ATRN: variants seen among roughly 807,000 people sequenced by gnomAD.
ATRN encodes attractin-2.
In ATRN, 54 loss-of-function variants were observed where a neutral mutation model predicts 178.7. That is an observed-to-expected ratio of 0.30 (90% CI 0.24 to 0.38). The LOEUF (loss-of-function observed/expected upper bound fraction) is 0.38. Ranked by LOEUF, ATRN falls within the 10% of genes least tolerant of loss-of-function variation. The pLI, the probability that ATRN is intolerant of heterozygous loss-of-function variation, is 1.00. For synonymous variants in ATRN, 636 were observed against 663.0 expected (o/e 0.96, Z 0.63); for missense variants, 1,443 against 1,815.1 (o/e 0.79, Z 3.73).
At chr20:3,581,992 C>T in intron 15 of ATRN, 143 bp from the exon 16 acceptor site, 1 of 711,078 alleles carries the variant, frequency 1.4e-6, no homozygotes, top group Non-Finnish European at 2.3e-6. Flanking sequence ...ATAATCTCAA[C>T]ATTTTGGGAG....
intron 1 of ATRN, among the ~76,000 whole-genome samples, chr20:3,475,233 G>C (rs765531057): frequency 3.9e-5 from 6 of 152,024 alleles, no homozygotes; most frequent in Non-Finnish European, 5.9e-5. Context: ...TGTAAATCCT[G>C]TGTTATAATT....
At chr20:3,574,647 G>C (rs1204745534) in intron 12 of ATRN, among the ~76,000 whole-genome samples, 1 of 152,230 alleles carries the variant, frequency 6.6e-6, no homozygotes, top group Non-Finnish European at 1.5e-5. Flanking sequence ...CAGTGAAATA[G>C]TTAATTTTTA....
chr20:3,473,577 G>T (rs1482992767), intron 1 of ATRN, among the ~76,000 whole-genome samples: 2 of 152,220 alleles, frequency 1.3e-5, no homozygotes, highest in Admixed American at 1.3e-4. Flanking sequence ...GACATTATAG[G>T]CTTTTAGATT....
intron 1 of ATRN, chr20:3,490,715 C>A (rs2084780105): frequency 1.3e-6 from 1 of 798,708 alleles, no homozygotes. Context: ...GCACACAGAT[C>A]TCATTTGGGT....
intron 12 of ATRN, among the ~76,000 whole-genome samples, chr20:3,574,871 G>A (rs1225761494): frequency 3.3e-5 from 5 of 152,080 alleles, no homozygotes; most frequent in East Asian, 1.9e-4. Context: ...TTGTGAGAGC[G>A]GCACCTGCCT....
chr20:3,638,754 T>C lies in ATRN; in HGVS notation c.3943-74T>C. On this transcript the variant is annotated intron_variant, in intron 26 of 28. Transcript: ENST00000262919. The surrounding 1 kb of genome is among the most constrained non-coding windows in gnomAD (Gnocchi z 4.5). ...TTGAATCAGGGAGGATGAGGTGTTTTTAACATGTAGCATTAACTAATAAAA... is the reference window on the plus strand; with the variant it reads ...TTGAATCAGGGAGGATGAGGTGTTTCTAACATGTAGCATTAACTAATAAAA... 1 of 1,307,908 alleles carries C rather than the reference T, an allele frequency of 7.6e-7. No individual in the cohort carries two copies. The highest frequency in any genetic ancestry group is 2.4e-5 in the East Asian group (1 of 42,442). 81.0% of individuals were successfully genotyped at this position (1,307,908 alleles called of 1,614,324 possible). A position where few individuals can be genotyped will look rare whatever the true frequency, so the allele number is the denominator to read the frequency against.
chr20:3,507,426 G>A (rs1304454813), intron 1 of ATRN, among the ~76,000 whole-genome samples: 1 of 151,300 alleles, frequency 6.6e-6, no homozygotes, highest in Admixed American at 6.6e-5. Flanking sequence ...AAAAAAATTG[G>A]AGTCAAAAAA....
chr20:3,578,229 A>G (rs568914390), intron 14 of ATRN, among the ~76,000 whole-genome samples: 5 of 152,288 alleles, frequency 3.3e-5, no homozygotes, highest in South Asian at 2.1e-4. Flanking sequence ...GCCCTCCAAT[A>G]TGCATATTCA....
At chr20:3,543,925 T>G (rs1447106691) in intron 3 of ATRN, among the ~76,000 whole-genome samples, 1 of 151,996 alleles carries the variant, frequency 6.6e-6, no homozygotes, top group Non-Finnish European at 1.5e-5. Context: ...TCCCAGTCAC[T>G]CAGGAGGCTG....
chr20:3,494,704 G>A (rs2084854446), intron 1 of ATRN, among the ~76,000 whole-genome samples: 1 of 152,164 alleles, frequency 6.6e-6, no homozygotes, highest in Admixed American at 6.5e-5. Context: ...TTTTGATATA[G>A]GGAATATAAG....
chr20:3,609,710 A>G (rs982303354), intron 24 of ATRN, among the ~76,000 whole-genome samples: 10 of 117,292 alleles, frequency 8.5e-5, no homozygotes, highest in African/African-American at 2.6e-4. Context: ...TGTGGTATGT[A>G]TGTATGTGTG....
chr20:3,599,732 GTC>G (rs1286600925), intron 22 of ATRN, among the ~76,000 whole-genome samples: 1 of 152,174 alleles, frequency 6.6e-6, no homozygotes, highest in East Asian at 1.9e-4. Context: ...TGCTCAGGGG[GTC>G]CTGGAACCGA....
Position 3,604,121 on chromosome 20 carries a change from A to G in ATRN, c.3660A>G (p.Gly1220=), listed in dbSNP as rs1341387781. The change falls in exon 24 of 29, where the codon GGA becomes GGG. Residue 1220 remains glycine, a synonymous_variant. Transcript: ENST00000262919. ...AASFSAGTQA[G]EEMPVVSKTN... ...TTTTAACAGCTGGAACCCAGGCTGG[A>G]GAAGAGATGCCTGTTGTTTCAAAAA... The G allele has an allele frequency of 6.3e-7, 1 of 1,589,626 alleles. No individual in the cohort carries two copies. The highest frequency in any genetic ancestry group is 1.2e-5 in the South Asian group (1 of 85,810).
intron 24 of ATRN, among the ~76,000 whole-genome samples, chr20:3,622,393 G>T (rs1472519170): frequency 6.6e-6 from 1 of 152,234 alleles, no homozygotes; most frequent in African/African-American, 2.4e-5. Flanking sequence ...CTAAAATCTT[G>T]TCTTTTACAA....
At chr20:3,512,571 T>C (rs1054966784) in intron 1 of ATRN, among the ~76,000 whole-genome samples, 1 of 152,170 alleles carries the variant, frequency 6.6e-6, no homozygotes, top group Non-Finnish European at 1.5e-5. Context: ...TAAACATACG[T>C]GTGCATGTGT....
intron 11 of ATRN, among the ~76,000 whole-genome samples, chr20:3,569,871 C>T (rs2086094155): frequency 6.6e-6 from 1 of 152,060 alleles, no homozygotes; most frequent in Non-Finnish European, 1.5e-5. Context: ...AGGAGTTCAA[C>T]ACCAGCCTGG....
intron 23 of ATRN, among the ~76,000 whole-genome samples, chr20:3,602,650 G>A (rs995904948): frequency 2.0e-5 from 3 of 152,058 alleles, no homozygotes; most frequent in Non-Finnish European, 4.4e-5. Flanking sequence ...TTGGAGAAAG[G>A]CAACATCTCC....
In ATRN at chr20:3,638,919, T is replaced by C. The variant is rs2146325217; in HGVS notation, c.4034T>C (p.Ile1345Thr). Reference sequence around the variant, plus strand: ...ACAGATGAGGAGCCTCCTGATCTTATTGGGGGGAGTATAAAGGTGAGAATG... The same window carrying C: ...ACAGATGAGGAGCCTCCTGATCTTACTGGGGGGAGTATAAAGGTGAGAATG... ...LETDEEPPDL[I>T]GGSIKTVPKP... Residue 1345 changes from isoleucine to threonine, a missense_variant, in exon 27 of 29, where the codon ATT (isoleucine) becomes ACT (threonine). Ile to Thr is a moderately conservative substitution (Grantham distance 89). Transcript: ENST00000262919. The surrounding 1 kb of genome is among the most constrained non-coding windows in gnomAD (Gnocchi z 4.5). The C allele has an allele frequency of 3.7e-6, 6 of 1,614,040 alleles. No individual in the cohort carries two copies. In the South Asian group the frequency reaches 5.5e-5, roughly 15 times the overall value.
chr20:3,495,466 T>C (rs1419142499), intron 1 of ATRN, among the ~76,000 whole-genome samples: 1 of 152,178 alleles, frequency 6.6e-6, no homozygotes, highest in African/African-American at 2.4e-5. Flanking sequence ...GGGGTTTGGG[T>C]AGGGGCTTTG....
Sources: allele counts gnomAD v4.1 joint callset (sites outside exome capture counted in the v4.1 genomes callset), GRCh38; gene constraint gnomAD v4.1.1; non-coding constraint Gnocchi (gnomAD v3.1); transcripts MANE v1.5; gene names NCBI Gene and HGNC (gene_info 2026-07-23, HGNC 2026-07-21).